The following GRIK2 variants were observed in gnomAD, a reference collection of about 807,000 sequenced individuals.
GRIK2 encodes glutamate receptor ionotropic, kainate 2.
Under a neutral mutation model 100.3 loss-of-function variants are expected in GRIK2, and 32 were observed. That is an observed-to-expected ratio of 0.32 (90% confidence interval 0.24 to 0.43). The LOEUF (loss-of-function observed/expected upper bound fraction) is 0.43, where lower values mean the gene tolerates loss of function less well. Among genes scored for constraint, GRIK2 ranks in the 20% least tolerant of loss-of-function variants. GRIK2 has a pLI of 1.00. For missense variants in GRIK2, 843 were observed against 1,114.9 expected (o/e 0.76, Z 3.47); for synonymous variants, 417 against 389.4 (o/e 1.07, Z -0.83).
chr6:101,912,075 CACACAG>C (rs1562482949), intron 12 of GRIK2, among the ~76,000 whole-genome samples: 3 of 18,514 alleles, frequency 1.6e-4, no homozygotes, highest in African/African-American at 3.9e-4. Context: ...CACACACACA[CACACAG>C]ACACAAACAC....
intron 10 of GRIK2, among the ~76,000 whole-genome samples, chr6:101,848,187 G>A (rs565179519): frequency 3.3e-5 from 5 of 152,152 alleles, no homozygotes; most frequent in Non-Finnish European, 7.4e-5. Context: ...TATCAACAGG[G>A]TAAATTAATA....
intron 15 of GRIK2, among the ~76,000 whole-genome samples, chr6:102,038,273 C>T (rs1365361235): frequency 6.6e-6 from 1 of 151,278 alleles, no homozygotes; most frequent in East Asian, 1.9e-4. Flanking sequence ...GAGGTGGAAG[C>T]AGGGGTCTGT....
intron 15 of GRIK2, among the ~76,000 whole-genome samples, chr6:102,050,272 A>G (rs1041447606): frequency 6.6e-6 from 1 of 151,992 alleles, no homozygotes; most frequent in African/African-American, 2.4e-5. Flanking sequence ...AGAAGGAAAA[A>G]AGGGGGAAGG....
intron 2 of GRIK2, among the ~76,000 whole-genome samples, chr6:101,502,673 G>A (rs752645916): frequency 9.2e-5 from 14 of 152,018 alleles, no homozygotes; most frequent in Non-Finnish European, 1.6e-4. Flanking sequence ...ATTCCTTTTG[G>A]GAAGAGATTG....
chr6:101,622,324 A>G (rs140540763), intron 3 of GRIK2, among the ~76,000 whole-genome samples: 77 of 152,274 alleles, frequency 5.1e-4, no homozygotes, highest in African/African-American at 1.8e-3. Flanking sequence ...ATGAAATACA[A>G]TTACATCTGT....
At chr6:101,757,610 G>A (rs891218845) in intron 7 of GRIK2, among the ~76,000 whole-genome samples, 6 of 151,998 alleles carry the variant, frequency 3.9e-5, no homozygotes, top group African/African-American at 9.7e-5. Context: ...TGAGCGATTC[G>A]CCTAAGGACA....
intron 14 of GRIK2, among the ~76,000 whole-genome samples, chr6:101,937,619 T>G (rs1790696757): frequency 6.6e-6 from 1 of 152,056 alleles, no homozygotes; most frequent in South Asian, 2.1e-4. Context: ...AATGACAAAT[T>G]CCATTTCTTC....
At chr6:101,791,627 A>G (rs1175806487) in intron 7 of GRIK2, among the ~76,000 whole-genome samples, 1 of 152,038 alleles carries the variant, frequency 6.6e-6, no homozygotes, top group Admixed American at 6.6e-5. Context: ...TTTACTTCCC[A>G]GTATGTGGTC....
intron 2 of GRIK2, among the ~76,000 whole-genome samples, 198 bp from the exon 3 acceptor site, chr6:101,621,751 C>T (rs567439090): frequency 6.6e-6 from 1 of 151,962 alleles, no homozygotes; most frequent in South Asian, 2.1e-4. Flanking sequence ...AGAGAATATC[C>T]CAAAGTTCAT....
At chr6:101,750,590 A>T (rs1233021563) in intron 7 of GRIK2, among the ~76,000 whole-genome samples, 1 of 152,226 alleles carries the variant, frequency 6.6e-6, no homozygotes, top group African/African-American at 2.4e-5. Flanking sequence ...TCTATAGCAC[A>T]AGCTATAGTA....
intron 2 of GRIK2, among the ~76,000 whole-genome samples, chr6:101,510,867 A>AT (rs767959588): frequency 5.3e-5 from 8 of 152,154 alleles, no homozygotes; most frequent in South Asian, 2.1e-4. Flanking sequence ...ATTACTAAAA[A>AT]AAAGGATAGT....
chr6:101,731,412 C>T (rs956617646), intron 7 of GRIK2, among the ~76,000 whole-genome samples: 8 of 151,704 alleles, frequency 5.3e-5, no homozygotes, highest in Non-Finnish European at 1.2e-4. Flanking sequence ...AAGGTAAATG[C>T]GATTATACAA....
chr6:101,762,967 C>A (rs889720442), intron 7 of GRIK2, among the ~76,000 whole-genome samples: 2 of 152,274 alleles, frequency 1.3e-5, no homozygotes, highest in South Asian at 4.1e-4. Context: ...GATTGTAGAT[C>A]TCCTAGAGTC....
intron 2 of GRIK2, among the ~76,000 whole-genome samples, chr6:101,550,335 T>C (rs138115162): frequency 1.9e-4 from 29 of 152,286 alleles, no homozygotes; most frequent in Admixed American, 1.4e-3. Context: ...TTGATAATTG[T>C]CCATGCAAGA....
intron 7 of GRIK2, among the ~76,000 whole-genome samples, chr6:101,739,678 T>C (rs1168886870): frequency 2.6e-5 from 4 of 152,222 alleles, no homozygotes; most frequent in Non-Finnish European, 5.9e-5. Flanking sequence ...AGATTTATAT[T>C]TCTCAGATAT....
chr6:102,038,378 T>C (rs778523062), intron 15 of GRIK2, among the ~76,000 whole-genome samples: 211 of 151,500 alleles, frequency 1.4e-3, no homozygotes, highest in Admixed American at 2.4e-3. Flanking sequence ...GACTCATATA[T>C]TACTACCATT....
At chr6:101,455,245 A>G (rs1301057042) in intron 2 of GRIK2, among the ~76,000 whole-genome samples, 1 of 152,094 alleles carries the variant, frequency 6.6e-6, no homozygotes, top group Non-Finnish European at 1.5e-5. Context: ...AGAAATTAAA[A>G]GTGGGTAATG....
chr6:101,505,252 T>C (rs999821745), intron 2 of GRIK2, among the ~76,000 whole-genome samples: 2 of 152,188 alleles, frequency 1.3e-5, no homozygotes, highest in African/African-American at 4.8e-5. Context: ...TTCTAGTACC[T>C]GGCACGTTTT....
At chr6:101,664,876 C>T (rs12525457) in intron 4 of GRIK2, among the ~76,000 whole-genome samples, 3 of 152,116 alleles carry the variant, frequency 2.0e-5, no homozygotes, top group South Asian at 4.1e-4. Context: ...GGGAACAGCC[C>T]TTTTATAAAA....
Sources: gnomAD v4.1 joint callset for allele counts (sites outside exome capture counted in the v4.1 genomes callset) on GRCh38, gnomAD v4.1.1 for gene constraint, MANE v1.5 for transcripts, NCBI Gene and HGNC (gene_info 2026-07-23, HGNC 2026-07-21) for gene names.